ERI3: variants seen among roughly 807,000 people sequenced by gnomAD.
ERI3 encodes ERI1 exoribonuclease 3.
Under a neutral mutation model 44.4 loss-of-function variants are expected in ERI3, and 18 were observed. That is an observed-to-expected ratio of 0.41 (90% CI 0.28 to 0.60). ERI3 has a LOEUF of 0.60. ERI3 is among the 20% of genes least tolerant of loss of function. The pLI is 0.36. For synonymous variants in ERI3, 183 were observed against 164.8 expected (o/e 1.11, Z -0.84); for missense variants, 294 against 435.5 (o/e 0.68, Z 2.89).
At chr1:44,266,918 C>T (rs890853510) in intron 7 of ERI3, among the ~76,000 whole-genome samples, 2 of 152,200 alleles carry the variant, frequency 1.3e-5, no homozygotes, top group Non-Finnish European at 2.9e-5. Flanking sequence ...TACGTAGTTT[C>T]CTTAAGACCC....
chr1:44,343,110 T>C lies in ERI3; in HGVS notation c.212-3788A>G, dbSNP rs1421401336. On this transcript the variant is annotated intron_variant, in intron 2 of 8. Coordinates refer to ENST00000372257, the MANE Select transcript of ERI3 (RefSeq NM_024066.3). ...GCAAGAGAAATACAAGATGAGCGCA[T>C]AACATCTTGTATCAGAAAGCAAGGA... Among the ~76,000 whole-genome samples, 4 of 151,300 alleles carry C rather than the reference T, an allele frequency of 2.6e-5. No individual in the cohort carries two copies. In the East Asian group the frequency reaches 7.8e-4, roughly 30 times the overall value.
intron 6 of ERI3, among the ~76,000 whole-genome samples, chr1:44,299,400 G>A (rs936866970): frequency 6.6e-6 from 1 of 151,888 alleles, no homozygotes; most frequent in African/African-American, 2.4e-5. Context: ...GCTACCTCAG[G>A]CTGGTCTCAA....
intron 7 of ERI3, among the ~76,000 whole-genome samples, chr1:44,265,432 T>C (rs1644971701): frequency 6.6e-6 from 1 of 152,192 alleles, no homozygotes; most frequent in Non-Finnish European, 1.5e-5. Flanking sequence ...ATGCTTTTAT[T>C]CACTGACATT....
chr1:44,352,740 G>A, intron 2 of ERI3, 110 bp downstream of exon 2: 1 of 1,152,682 alleles, frequency 8.7e-7, no homozygotes, highest in Non-Finnish European at 1.3e-6. Flanking sequence ...AGACTTTGGG[G>A]ATACATGGGA....
At chr1:44,331,270 A>G (rs161717) in intron 3 of ERI3, among the ~76,000 whole-genome samples, 150,843 of 152,224 alleles carry the variant, frequency 0.99, 74,748 homozygotes, top group Middle Eastern at 1. Context: ...TATTGAAGGT[A>G]GGTCCTAGCA....
At chr1:44,233,600 C>T (rs1644237312) in intron 8 of ERI3, among the ~76,000 whole-genome samples, 1 of 152,084 alleles carries the variant, frequency 6.6e-6, no homozygotes, top group African/African-American at 2.4e-5. Flanking sequence ...AAGCCCATCC[C>T]TCCACTCCAG....
rs71036672 is a variant in ERI3, at chr1:44,259,875, CTAGATAGATAGA to C, written c.832-11849_832-11838del. ...AGCCTGAGTGACAGAGGAAAACCCT[CTAGATAGATAGA>C]TAGATAGATAGATAGATAGATAGAT... On this transcript the variant is annotated intron_variant, in intron 7 of 8. Transcript: ENST00000372257. Among the ~76,000 whole-genome samples the C allele has an allele frequency of 2.9e-3, 397 of 135,954 alleles. 3 individuals carry two copies. Among genetic ancestry groups the C allele is most frequent in the Middle Eastern group, 0.011 (3 of 278 alleles). 89.2% of individuals were successfully genotyped at this position (135,954 alleles called of 152,430 possible).
chr1:44,271,514 A>G (rs1645086953), intron 7 of ERI3, among the ~76,000 whole-genome samples: 1 of 152,202 alleles, frequency 6.6e-6, no homozygotes, highest in Non-Finnish European at 1.5e-5. Context: ...TGGACTCTGG[A>G]GTCTACTGCC....
At chr1:44,239,457 C>T (rs1361999723) in intron 8 of ERI3, among the ~76,000 whole-genome samples, 1 of 152,330 alleles carries the variant, frequency 6.6e-6, no homozygotes, top group East Asian at 1.9e-4. Context: ...AAGAACTAAG[C>T]GGCTGCAGGA....
At chr1:44,320,442 T>C (rs1341648987) in intron 3 of ERI3, among the ~76,000 whole-genome samples, 1 of 152,102 alleles carries the variant, frequency 6.6e-6, no homozygotes, top group African/African-American at 2.4e-5. Flanking sequence ...TTAATTTGTC[T>C]CCGCTATTTA....
chr1:44,303,196 C>T (rs1347440458), intron 6 of ERI3, among the ~76,000 whole-genome samples: 2 of 152,216 alleles, frequency 1.3e-5, no homozygotes, highest in Non-Finnish European at 2.9e-5. Context: ...CTATCTCACC[C>T]AGTACTCACC....
chr1:44,250,244 G>A (rs775705347), intron 7 of ERI3, among the ~76,000 whole-genome samples: 5 of 152,224 alleles, frequency 3.3e-5, no homozygotes, highest in East Asian at 1.9e-4. Flanking sequence ...AGCGACGGGC[G>A]GGCGGCAGGG....
At chr1:44,329,988 C>G (rs895576903) in intron 3 of ERI3, among the ~76,000 whole-genome samples, 1 of 152,208 alleles carries the variant, frequency 6.6e-6, no homozygotes, top group Non-Finnish European at 1.5e-5. Context: ...CCATTCTCAC[C>G]ATCGCCAACC....
At chr1:44,286,073 G>A (rs750841772) in intron 6 of ERI3, among the ~76,000 whole-genome samples, 4 of 152,236 alleles carry the variant, frequency 2.6e-5, no homozygotes, top group African/African-American at 4.8e-5. Flanking sequence ...TGAGAAAGCA[G>A]TAGACCTCTG....
At chr1:44,294,154 C>G (rs758961856) in intron 6 of ERI3, among the ~76,000 whole-genome samples, 34 of 152,364 alleles carry the variant, frequency 2.2e-4, no homozygotes, top group African/African-American at 7.9e-4. Flanking sequence ...TCACCTGCGT[C>G]TGGGTCTGGC....
chr1:44,259,567 C>A (rs1334215659), intron 7 of ERI3, among the ~76,000 whole-genome samples: 3 of 152,052 alleles, frequency 2.0e-5, no homozygotes, highest in African/African-American at 7.3e-5. Context: ...TCCAGCCAGG[C>A]ACAGTGGCTC....
intron 6 of ERI3, among the ~76,000 whole-genome samples, chr1:44,288,273 T>A (rs1645434840): frequency 6.6e-6 from 1 of 152,192 alleles, no homozygotes; most frequent in African/African-American, 2.4e-5. Flanking sequence ...ACTCAGGGGC[T>A]CTAGTCACTT....
chr1:44,353,587 C>G, intron 1 of ERI3: 2 of 985,472 alleles, frequency 2.0e-6, no homozygotes, highest in Non-Finnish European at 2.4e-6. Context: ...AGACTTTCTT[C>G]TACTCAGATC....
intron 7 of ERI3, among the ~76,000 whole-genome samples, chr1:44,249,854 C>T (rs1383581371): frequency 6.6e-6 from 1 of 152,122 alleles, no homozygotes; most frequent in Admixed American, 6.5e-5. Flanking sequence ...TTTAAAATCA[C>T]TTACAAAGGC....
Sources: allele counts gnomAD v4.1 joint callset (sites outside exome capture counted in the v4.1 genomes callset), GRCh38; gene constraint gnomAD v4.1.1; transcripts MANE v1.5; gene names NCBI Gene and HGNC (gene_info 2026-07-23, HGNC 2026-07-21).